Variants in RB1CC1 observed in about 807,000 individuals in gnomAD.
RB1CC1 encodes RB1 inducible coiled-coil 1.
RB1CC1 carries 46 observed loss-of-function variants against 177.5 expected under a neutral mutation model. The ratio of observed to expected loss-of-function variants is 0.26; its 90% CI spans 0.20 to 0.33. RB1CC1 has a LOEUF of 0.33. Ranked by LOEUF, RB1CC1 falls within the 10% of genes least tolerant of loss-of-function variation. The probability of loss-of-function intolerance (pLI) is 1.00; values close to 1 mark genes in which losing one functional copy is unlikely to be tolerated. For missense variants in RB1CC1, 1,703 were observed against 1,816.3 expected (o/e 0.94, Z 1.13); for synonymous variants, 666 against 613.6 (o/e 1.09, Z -1.26).
At chr8:52,637,519 C>T (rs1450624022) in intron 18 of RB1CC1, among the ~76,000 whole-genome samples, 4 of 152,118 alleles carry the variant, frequency 2.6e-5, no homozygotes, top group Admixed American at 2.0e-4. Context: ...GATTTTTGCA[C>T]ACTGAACCTG....
chr8:52,704,180 CA>C (rs1856351077), intron 1 of RB1CC1, among the ~76,000 whole-genome samples: 1 of 152,124 alleles, frequency 6.6e-6, no homozygotes, highest in Non-Finnish European at 1.5e-5. Context: ...AGGAGTTATC[CA>C]ATTTCTCTGA....
chr8:52,646,879 A>G (rs1004928347), intron 15 of RB1CC1, among the ~76,000 whole-genome samples: 3 of 152,184 alleles, frequency 2.0e-5, no homozygotes, highest in Non-Finnish European at 4.4e-5. Context: ...TTTCTCCAAG[A>G]AGCAGATGAA....
intron 10 of RB1CC1, 29 bp from the exon 11 acceptor site, chr8:52,661,036 A>G: frequency 6.2e-7 from 1 of 1,611,080 alleles, no homozygotes; most frequent in Non-Finnish European, 8.5e-7. Flanking sequence ...TGTTAAACAT[A>G]AACATACACC....
Position 52,676,370 on chromosome 8 carries a change from G to GAGT in RB1CC1, c.568_570dup (p.Thr190dup). The GAGT allele has an allele frequency of 6.3e-7, 1 of 1,594,018 alleles. No individual in the cohort carries two copies. Among genetic ancestry groups the GAGT allele is most frequent in the Non-Finnish European group, 8.6e-7 (1 of 1,166,894 alleles). On this transcript the variant is annotated inframe_insertion and splice_region_variant, in exon 6 of 24. Transcript: ENST00000025008. ...TATCCATTTTAATGGCAAACATACT[G>GAGT]AGTAAGTTTTAACTTGATGTCTTCT...
At position 52,674,262 on chromosome 8, in the gene RB1CC1, T is replaced by G. The variant is rs1442970414; in HGVS notation, c.585A>C (p.Ala195=). 1 of 1,602,044 alleles carries G rather than the reference T, an allele frequency of 6.2e-7. No individual in the cohort carries two copies. Among genetic ancestry groups the G allele is most frequent in the Admixed American group, 1.7e-5 (1 of 59,856 alleles). Residue 195 remains alanine, a synonymous_variant, in exon 7 of 24, where the codon GCA becomes GCC. Coordinates refer to ENST00000025008, the MANE Select transcript of RB1CC1 (RefSeq NM_014781.5). ...IKLKLTHLGT[A]VSVMAKIPLL... is the part of the protein sequence containing the mutation. ...GTGGAATCTTGGCCATTACTGAAAC[T>G]GCAGTTCCTAAACTTAAAATACAAA... is the stretch of plus-strand genomic sequence containing the variant.
intron 1 of RB1CC1, among the ~76,000 whole-genome samples, chr8:52,706,151 A>T (rs911703659): frequency 2.0e-5 from 3 of 151,478 alleles, no homozygotes; most frequent in African/African-American, 7.3e-5. Flanking sequence ...ATTAAAAAAA[A>T]AAGATGACAC....
At chr8:52,699,827 A>ATAT (rs1855862989) in intron 1 of RB1CC1, among the ~76,000 whole-genome samples, 1 of 78,474 alleles carries the variant, frequency 1.3e-5, no homozygotes, top group Non-Finnish European at 2.8e-5. Flanking sequence ...AAAAAAAAAA[A>ATAT]AAAATATATA....
chr8:52,635,119 T>A (rs552228211), intron 19 of RB1CC1, 151 bp from the exon 20 acceptor site: 7 of 681,518 alleles, frequency 1.0e-5, no homozygotes, highest in South Asian at 3.7e-5. Flanking sequence ...TCTTTCCAAA[T>A]GTTTTCATTA....
Position 52,698,302 on chromosome 8 carries a change from T to C in RB1CC1, c.-166-11335A>G, listed in dbSNP as rs73595502. ...CCATGTTGCCCAGGGTTGTCTTGAA[T>C]AGAAATTTTAAAATATGAGAGAATA... On this transcript the variant is annotated intron_variant, in intron 1 of 23. Transcript: ENST00000025008. Among the ~76,000 whole-genome samples, 731 of 152,002 alleles carry C rather than the reference T, an allele frequency of 4.8e-3. 5 individuals carry two copies. The highest frequency in any genetic ancestry group is 0.017 in the African/African-American group (700 of 41,460).
chr8:52,656,059 TCAA>T lies in RB1CC1; in HGVS notation c.3767_3769del (p.Val1256del). 6.2e-7 allele frequency: 1 copy of T among 1,612,750 alleles called. No individual in the cohort carries two copies. On this transcript the variant is annotated inframe_deletion, in exon 15 of 24. Transcript: ENST00000025008. ...TTTAACTTTTTCTAATAACTCTTTC[TCAA>T]CAACTTCTCTCTCCAATTTAAATTC...
intron 7 of RB1CC1, among the ~76,000 whole-genome samples, chr8:52,670,510 A>C (rs191315478): frequency 6.6e-6 from 1 of 152,134 alleles, no homozygotes; most frequent in African/African-American, 2.4e-5. Context: ...CTTTAAACCC[A>C]CTCCCCTGCA....
rs374022461 is a variant in RB1CC1, at chr8:52,656,602, A to G, written c.3227T>C (p.Ile1076Thr). ...CTGGGCTCTGCTTTCTTCCAGCAAAATTTTTATTTCATCAGTTTCTGCTTC... is the reference window on the plus strand; with the variant it reads ...CTGGGCTCTGCTTTCTTCCAGCAAAGTTTTTATTTCATCAGTTTCTGCTTC... ...LKEAETDEIK[I>T]LLEESRAQQK... Residue 1076 changes from isoleucine (I) to threonine (T), a missense_variant, in exon 15 of 24, where the codon ATT becomes ACT. Transcript: ENST00000025008. 6.2e-6 allele frequency: 10 copies of G among 1,613,024 alleles called. No individual in the cohort carries two copies. Among genetic ancestry groups the G allele is most frequent in the Middle Eastern group, 1.6e-4 (1 of 6,076 alleles).
At position 52,651,470 on chromosome 8, in the gene RB1CC1, C is replaced by T. The variant is rs576230176; in HGVS notation, c.3821+4538G>A. Among the ~76,000 whole-genome samples the T allele has an allele frequency of 2.6e-5, 4 of 152,312 alleles. No homozygotes were observed. In the South Asian group the frequency reaches 8.3e-4, roughly 32 times the overall value. ...CTATCTGGGCCTTTATAAAAGTTTG[C>T]CAACCATTTCTTTAGGCTAATGATT... is the stretch of plus-strand genomic sequence containing the variant. On this transcript the variant is annotated intron_variant, in intron 15 of 23. Coordinates refer to ENST00000025008, the MANE Select transcript of RB1CC1 (RefSeq NM_014781.5).
At chr8:52,711,901 T>G (rs1857090575) in intron 1 of RB1CC1, among the ~76,000 whole-genome samples, 1 of 152,168 alleles carries the variant, frequency 6.6e-6, no homozygotes, top group Non-Finnish European at 1.5e-5. Context: ...AGTCACACAC[T>G]TACACCCCTT....
intron 5 of RB1CC1, among the ~76,000 whole-genome samples, chr8:52,683,270 A>G (rs1299999716): frequency 6.6e-6 from 1 of 152,192 alleles, no homozygotes; most frequent in Non-Finnish European, 1.5e-5. Context: ...TCCTTTATTA[A>G]TTAATGTTCA....
chr8:52,707,656 A>C (rs79153731), intron 1 of RB1CC1, among the ~76,000 whole-genome samples: 2 of 152,250 alleles, frequency 1.3e-5, no homozygotes, highest in African/African-American at 4.8e-5. Flanking sequence ...CAAGGTAGTC[A>C]GGCTGCTTCC....
intron 22 of RB1CC1, among the ~76,000 whole-genome samples, chr8:52,626,215 C>G (rs946331398): frequency 9.9e-5 from 15 of 152,210 alleles, no homozygotes; most frequent in Non-Finnish European, 4.4e-5. Context: ...ATGATCCCAA[C>G]TGGCATTCCT....
At chr8:52,660,385 C>T (rs1851507709) in intron 12 of RB1CC1, among the ~76,000 whole-genome samples, 1 of 152,120 alleles carries the variant, frequency 6.6e-6, no homozygotes, top group African/African-American at 2.4e-5. Context: ...AGGTATCTTC[C>T]TGTGTTATGA....
Position 52,681,124 on chromosome 8 carries a change from TGGGACTACA to T in RB1CC1, c.369+2416_369+2424del, listed in dbSNP as rs1853678437. Among the ~76,000 whole-genome samples the T allele has an allele frequency of 3.3e-5, 5 of 151,838 alleles. No individual in the cohort carries two copies. The South Asian group carries it at 1.0e-3, about 32-fold the overall frequency. On this transcript the variant is annotated intron_variant, in intron 5 of 23. Transcript: ENST00000025008. ...CTCCTACCTCAGCCTCCCGAGCAGC[TGGGACTACA>T]GGCACATGCCAGCATGCCCGGCTAA...
Sources: gnomAD v4.1 joint callset for allele counts (sites outside exome capture counted in the v4.1 genomes callset) on GRCh38, gnomAD v4.1.1 for gene constraint, MANE v1.5 for transcripts, NCBI Gene and HGNC (gene_info 2026-07-23, HGNC 2026-07-21) for gene names.